The following DOCK3 variants were observed in gnomAD, a reference collection of about 807,000 sequenced individuals.
The protein encoded by DOCK3 is dedicator of cytokinesis protein 3.
A neutral mutation model predicts 265.6 loss-of-function variants in DOCK3; 60 were observed. The observed-to-expected ratio is 0.23, with a 90% CI of 0.18 to 0.28. The LOEUF (loss-of-function observed/expected upper bound fraction) is 0.28, where lower values mean the gene tolerates loss of function less well. Ranked by LOEUF, DOCK3 falls within the 10% of genes least tolerant of loss-of-function variation. DOCK3 has a pLI of 1.00. For missense variants in DOCK3, 1,981 were observed against 2,594.3 expected (o/e 0.76, Z 5.14); for synonymous variants, 881 against 938.0 (o/e 0.94, Z 1.11).
chr3:51,360,403 C>CT, intron 46 of DOCK3, 108 bp from the exon 47 acceptor site: 1 of 1,412,466 alleles, frequency 7.1e-7, no homozygotes, highest in Non-Finnish European at 9.6e-7. Context: ...CCATATGATT[C>CT]TTTTTTGTTT....
chr3:50,939,197 C>T (rs1245747888), intron 5 of DOCK3, among the ~76,000 whole-genome samples: 1 of 151,968 alleles, frequency 6.6e-6, no homozygotes, highest in Non-Finnish European at 1.5e-5. Flanking sequence ...TTCTAGAAAA[C>T]CATAAATTGT....
intron 30 of DOCK3, 46 bp from the exon 31 acceptor site, chr3:51,312,798 T>C (rs2083158894): frequency 6.3e-7 from 1 of 1,578,006 alleles, no homozygotes; most frequent in East Asian, 2.3e-5. Context: ...CCTATCCTCC[T>C]GAACCTTCTC....
intron 27 of DOCK3, among the ~76,000 whole-genome samples, chr3:51,290,932 G>A (rs550231154): frequency 1.3e-5 from 2 of 152,224 alleles, no homozygotes; most frequent in South Asian, 4.1e-4. Flanking sequence ...ACAAAAATTA[G>A]CCAGGCGTGG....
chr3:50,795,375 G>A (rs2042715294), intron 2 of DOCK3, among the ~76,000 whole-genome samples: 1 of 151,978 alleles, frequency 6.6e-6, no homozygotes. Flanking sequence ...AATGAGTTAT[G>A]GATTTTGTCT....
chr3:50,988,801 G>A (rs2108604527), intron 5 of DOCK3, among the ~76,000 whole-genome samples: 1 of 152,256 alleles, frequency 6.6e-6, no homozygotes, highest in South Asian at 2.1e-4. Flanking sequence ...ACTGTTATGT[G>A]GTCACCCATT....
At position 50,918,494 on chromosome 3, in the gene DOCK3, A is replaced by G. The variant is rs1232389433; in HGVS notation, c.219-15487A>G. Among the ~76,000 whole-genome samples, 5 of 152,090 alleles carry G rather than the reference A, an allele frequency of 3.3e-5. No homozygotes were observed. The East Asian group carries it at 9.6e-4, about 29-fold the overall frequency. On this transcript the variant is annotated intron_variant, in intron 4 of 52. Coordinates refer to ENST00000266037, the MANE Select transcript of DOCK3 (RefSeq NM_004947.5). Reference sequence around the variant, plus strand: ...GTATCTCATTGTGGTTTTGATTTGCATTTCTCTGATGGCCAGTGATAATGA... The same window carrying G: ...GTATCTCATTGTGGTTTTGATTTGCGTTTCTCTGATGGCCAGTGATAATGA...
At chr3:50,958,029 GC>G (rs2108362859) in intron 5 of DOCK3, among the ~76,000 whole-genome samples, 1 of 151,898 alleles carries the variant, frequency 6.6e-6, no homozygotes, top group South Asian at 2.1e-4. Flanking sequence ...CTCCTATCCT[GC>G]AGACAACAAG....
At chr3:51,226,062 C>T (rs1476221331) in intron 15 of DOCK3, among the ~76,000 whole-genome samples, 1 of 152,148 alleles carries the variant, frequency 6.6e-6, no homozygotes, top group East Asian at 1.9e-4. Flanking sequence ...CCTGTCATTC[C>T]ACCTAGCATA....
intron 2 of DOCK3, among the ~76,000 whole-genome samples, chr3:50,821,140 C>CTTTTTTTTTTTT (rs771111717): frequency 4.2e-4 from 50 of 119,436 alleles, no homozygotes; most frequent in Admixed American, 5.0e-4. Context: ...TTTCTTTTTT[C>CTTTTTTTTTTTT]TTTTTTTTTT....
chr3:51,018,203 A>G (rs1309221840), intron 5 of DOCK3, among the ~76,000 whole-genome samples: 1 of 151,744 alleles, frequency 6.6e-6, no homozygotes, highest in Non-Finnish European at 1.5e-5. Flanking sequence ...GTATCTTTTT[A>G]TCTTTCACCA....
chr3:51,312,201 A>C, intron 29 of DOCK3, 122 bp downstream of exon 29: 1 of 907,038 alleles, frequency 1.1e-6, no homozygotes, highest in Non-Finnish European at 1.7e-6. Context: ...AAGCCTGATG[A>C]TGATTAGAAT....
chr3:50,740,308 C>G (rs2038932989), intron 1 of DOCK3, among the ~76,000 whole-genome samples: 1 of 152,022 alleles, frequency 6.6e-6, no homozygotes, highest in Non-Finnish European at 1.5e-5. Flanking sequence ...TTTTGCTAAT[C>G]AAATAAAGCT....
chr3:51,105,415 C>G lies in DOCK3; in HGVS notation c.746+15031C>G, dbSNP rs988771942. ...CAGCAGTTCTGCTCCTAGGTGTATACCCAAGAGAAACAAGACATGTGCCCA... is the reference window on the plus strand; with the variant it reads ...CAGCAGTTCTGCTCCTAGGTGTATAGCCAAGAGAAACAAGACATGTGCCCA... On this transcript the variant is annotated intron_variant, in intron 9 of 52. Coordinates refer to ENST00000266037, the MANE Select transcript of DOCK3 (RefSeq NM_004947.5). Among the ~76,000 whole-genome samples the G allele has an allele frequency of 3.9e-5, 6 of 152,010 alleles. No individual in the cohort carries two copies. In the East Asian group the frequency reaches 1.2e-3, roughly 29 times the overall value.
At chr3:51,118,744 G>A (rs1170772275) in intron 9 of DOCK3, among the ~76,000 whole-genome samples, 2 of 151,608 alleles carry the variant, frequency 1.3e-5, no homozygotes, top group African/African-American at 4.9e-5. Context: ...TATCTTTGTT[G>A]GTCTTGATCG....
At chr3:50,769,799 A>T (rs2108460891) in intron 1 of DOCK3, among the ~76,000 whole-genome samples, 1 of 132,904 alleles carries the variant, frequency 7.5e-6, no homozygotes, top group Non-Finnish European at 1.6e-5. Flanking sequence ...GCGATAGAGC[A>T]AGACTCTGTC....
At position 50,782,044 on chromosome 3, in the gene DOCK3, A is replaced by C. The variant is rs2041941781; in HGVS notation, c.121+3286A>C. On this transcript the variant is annotated intron_variant, in intron 2 of 52. Coordinates refer to ENST00000266037, the MANE Select transcript of DOCK3 (RefSeq NM_004947.5). Reference sequence around the variant, plus strand: ...CTACAATTGATGGGCATTTAGATTGATTCCATGTCTTTGCTATTGTGAATA... The same window carrying C: ...CTACAATTGATGGGCATTTAGATTGCTTCCATGTCTTTGCTATTGTGAATA... Among the ~76,000 whole-genome samples, 3 of 152,126 alleles carry C rather than the reference A, an allele frequency of 2.0e-5. No individual in the cohort carries two copies. The South Asian group carries it at 6.2e-4, about 31-fold the overall frequency.
chr3:51,216,261 A>G (rs568647678), intron 14 of DOCK3, among the ~76,000 whole-genome samples: 1 of 152,360 alleles, frequency 6.6e-6, no homozygotes, highest in South Asian at 2.1e-4. Context: ...TTTAAGTTAC[A>G]TTGTCAAAAC....
At chr3:51,018,139 A>G (rs567066376) in intron 5 of DOCK3, among the ~76,000 whole-genome samples, 1 of 151,798 alleles carries the variant, frequency 6.6e-6, no homozygotes, top group South Asian at 2.1e-4. Context: ...TGATCCACCC[A>G]TCTCAATGTC....
chr3:50,772,263 A>G (rs1263735621), intron 1 of DOCK3, among the ~76,000 whole-genome samples: 1 of 152,192 alleles, frequency 6.6e-6, no homozygotes, highest in Non-Finnish European at 1.5e-5. Flanking sequence ...ATTATTAGAG[A>G]CAGAGAGTAG....
Sources: gnomAD v4.1 joint callset for allele counts (sites outside exome capture counted in the v4.1 genomes callset) on GRCh38, gnomAD v4.1.1 for gene constraint, MANE v1.5 for transcripts, NCBI Gene and HGNC (gene_info 2026-07-23, HGNC 2026-07-21) for gene names.